SLCO1B1: variants seen among roughly 807,000 people sequenced by gnomAD.
The protein encoded by SLCO1B1 is solute carrier organic anion transporter family member 1B1, also known as OATP-2.
Under a neutral mutation model 70.1 loss-of-function variants are expected in SLCO1B1, and 81 were observed. The observed-to-expected ratio is 1.16, with a 90% CI of 0.97 to 1.39. SLCO1B1 has a LOEUF of 1.39. Ranked by LOEUF, SLCO1B1 falls within the 40% of genes most tolerant of loss-of-function variation. SLCO1B1 has a pLI of 0.00. For missense variants in SLCO1B1, 895 were observed against 799.6 expected (o/e 1.12, Z -1.44); for synonymous variants, 283 against 271.5 (o/e 1.04, Z -0.42).
intron 7 of SLCO1B1, among the ~76,000 whole-genome samples, chr12:21,191,462 T>C (rs1406058685): frequency 6.6e-6 from 1 of 152,126 alleles, no homozygotes; most frequent in African/African-American, 2.4e-5. Context: ...TAATATCTTA[T>C]AATTATTTTG....
intron 2 of SLCO1B1, among the ~76,000 whole-genome samples, chr12:21,143,005 C>T (rs182753516): frequency 8.0e-4 from 122 of 152,118 alleles, no homozygotes; most frequent in Non-Finnish European, 4.3e-4. Flanking sequence ...TCAGAAACAT[C>T]GCTAAATTGG....
At chr12:21,147,066 A>G (rs1286034380) in intron 2 of SLCO1B1, among the ~76,000 whole-genome samples, 1 of 152,004 alleles carries the variant, frequency 6.6e-6, no homozygotes, top group Non-Finnish European at 1.5e-5. Flanking sequence ...TTGTATTTCT[A>G]CTGGCTTTTA....
intron 1 of SLCO1B1, 97 bp downstream of exon 1, chr12:21,131,333 T>G (rs1940129993): frequency 6.6e-6 from 1 of 152,074 alleles, no homozygotes; most frequent in Non-Finnish European, 1.5e-5. Flanking sequence ...ATTACGAATT[T>G]TATGCTCTGT....
intron 14 of SLCO1B1, among the ~76,000 whole-genome samples, chr12:21,230,263 T>A (rs1454970465): frequency 6.6e-6 from 1 of 151,732 alleles, no homozygotes; most frequent in Non-Finnish European, 1.5e-5. Context: ...TTGGATTCAA[T>A]CTGATATTTT....
chr12:21,149,369 A>G (rs775990445), intron 2 of SLCO1B1, among the ~76,000 whole-genome samples: 1 of 152,140 alleles, frequency 6.6e-6, no homozygotes, highest in Non-Finnish European at 1.5e-5. Flanking sequence ...TTTGTTATAG[A>G]TAGCTCTTAT....
Position 21,202,893 on chromosome 12 carries a change from G to A in SLCO1B1, c.1331+207G>A, listed in dbSNP as rs920100578. Among the ~76,000 whole-genome samples the A allele has an allele frequency of 2.4e-4, 36 of 152,162 alleles. 1 individual carries two copies. Among genetic ancestry groups the A allele is most frequent in the African/African-American group, 8.2e-4 (34 of 41,548 alleles). On this transcript the variant is annotated intron_variant, in intron 10 of 14. Coordinates refer to ENST00000256958, the MANE Select transcript of SLCO1B1 (RefSeq NM_006446.5). ...CCACTAAAGAGAAGCAACATAGGTT[G>A]TAATAATAATAACTATTATTTATGT...
At chr12:21,166,298 A>C (rs1940684538) in intron 2 of SLCO1B1, among the ~76,000 whole-genome samples, 3 of 152,186 alleles carry the variant, frequency 2.0e-5, no homozygotes, top group Admixed American at 1.3e-4. Flanking sequence ...TCTTGACAGC[A>C]ACAAGAGTAG....
chr12:21,226,367 T>C (rs1941482325), intron 14 of SLCO1B1, among the ~76,000 whole-genome samples: 1 of 151,180 alleles, frequency 6.6e-6, no homozygotes, highest in South Asian at 2.1e-4. Context: ...TAAGCCAAGC[T>C]CATGGCACTG....
At chr12:21,218,763 A>G (rs1297324482) in intron 12 of SLCO1B1, among the ~76,000 whole-genome samples, 1 of 152,182 alleles carries the variant, frequency 6.6e-6, no homozygotes, top group Non-Finnish European at 1.5e-5. Flanking sequence ...CTGTTCCATC[A>G]TCGATGATAA....
intron 1 of SLCO1B1, among the ~76,000 whole-genome samples, chr12:21,140,112 G>C (rs138332425): frequency 3.5e-4 from 54 of 152,180 alleles, no homozygotes; most frequent in African/African-American, 1.2e-3. Flanking sequence ...ACCAGAGGCA[G>C]ACAGGCATAT....
intron 11 of SLCO1B1, among the ~76,000 whole-genome samples, chr12:21,214,483 T>G (rs1941331801): frequency 6.7e-6 from 1 of 150,064 alleles, no homozygotes; most frequent in Non-Finnish European, 1.5e-5. Context: ...GACAGGGACA[T>G]TTAAGTCTGC....
At chr12:21,195,860 G>C (rs1455183116) in intron 7 of SLCO1B1, among the ~76,000 whole-genome samples, 1 of 152,166 alleles carries the variant, frequency 6.6e-6, no homozygotes, top group East Asian at 1.9e-4. Context: ...ACAGTCGCAA[G>C]GGTAGTACCT....
chr12:21,146,201 T>A (rs968440730), intron 2 of SLCO1B1, among the ~76,000 whole-genome samples: 26 of 152,252 alleles, frequency 1.7e-4, no homozygotes, highest in African/African-American at 5.1e-4. Flanking sequence ...AATATATTGG[T>A]CTATTTTATA....
chr12:21,154,304 A>G (rs1386349458), intron 2 of SLCO1B1, among the ~76,000 whole-genome samples: 1 of 152,036 alleles, frequency 6.6e-6, no homozygotes, highest in Non-Finnish European at 1.5e-5. Flanking sequence ...GTCCTCATGA[A>G]CAAAATTAGT....
At chr12:21,149,364 T>C (rs11045789) in intron 2 of SLCO1B1, among the ~76,000 whole-genome samples, 35,386 of 152,050 alleles carry the variant, frequency 0.23, 4,568 homozygotes, top group East Asian at 0.46. Flanking sequence ...GTGGGTTTGT[T>C]ATAGATAGCT....
chr12:21,217,430 A>G, intron 12 of SLCO1B1, 127 bp downstream of exon 12: 1 of 798,392 alleles, frequency 1.3e-6, no homozygotes, highest in Non-Finnish European at 2.0e-6. Flanking sequence ...TTTTCTGAGA[A>G]TTCATTTTAT....
chr12:21,159,774 G>T (rs1439774645), intron 2 of SLCO1B1, among the ~76,000 whole-genome samples: 2 of 151,950 alleles, frequency 1.3e-5, no homozygotes, highest in Admixed American at 1.3e-4. Context: ...CTTCAGCAAA[G>T]TTACAGGACA....
At chr12:21,194,284 TGG>T (rs1941066715) in intron 7 of SLCO1B1, among the ~76,000 whole-genome samples, 1 of 152,160 alleles carries the variant, frequency 6.6e-6, no homozygotes. Flanking sequence ...CCCAAAGTGC[TGG>T]GATGACAGGC....
chr12:21,133,707 G>C (rs968369497), intron 1 of SLCO1B1, among the ~76,000 whole-genome samples: 1 of 152,160 alleles, frequency 6.6e-6, no homozygotes, highest in Admixed American at 6.5e-5. Context: ...TGCTGAAGTT[G>C]CTTATCAACT....
Sources: allele counts gnomAD v4.1 joint callset (sites outside exome capture counted in the v4.1 genomes callset), GRCh38; gene constraint gnomAD v4.1.1; transcripts MANE v1.5; gene names NCBI Gene and HGNC (gene_info 2026-07-23, HGNC 2026-07-21).